The following DOCK3 variants were observed in gnomAD, a reference collection of about 807,000 sequenced individuals.
DOCK3 encodes dedicator of cytokinesis protein 3.
DOCK3 carries 60 observed loss-of-function variants against 265.6 expected under a neutral mutation model. The ratio of observed to expected loss-of-function variants is 0.23; its 90% confidence interval spans 0.18 to 0.28. The LOEUF (loss-of-function observed/expected upper bound fraction) is 0.28, where lower values mean the gene tolerates loss of function less well. Among genes scored for constraint, DOCK3 ranks in the 10% least tolerant of loss-of-function variants. DOCK3 has a pLI of 1.00. For synonymous variants in DOCK3, 881 were observed against 938.0 expected (o/e 0.94, Z 1.11); for missense variants, 1,981 against 2,594.3 (o/e 0.76, Z 5.14).
chr3:50,747,869 A>G (rs1052672348), intron 1 of DOCK3, among the ~76,000 whole-genome samples: 3 of 71,940 alleles, frequency 4.2e-5, no homozygotes, highest in African/African-American at 8.0e-5. Context: ...GTCTGAAAAA[A>G]AAAAGGGGGG....
At chr3:50,830,968 T>G (rs2107105702) in intron 2 of DOCK3, among the ~76,000 whole-genome samples, 1 of 152,110 alleles carries the variant, frequency 6.6e-6, no homozygotes, top group South Asian at 2.1e-4. Flanking sequence ...GGGTGGGCAA[T>G]TCCTGGAACT....
chr3:51,233,799 C>T (rs769734818), intron 19 of DOCK3, among the ~76,000 whole-genome samples: 15 of 152,184 alleles, frequency 9.9e-5, no homozygotes, highest in Non-Finnish European at 2.1e-4. Context: ...TCAGCTTGAA[C>T]GTTGTTGGTG....
intron 9 of DOCK3, among the ~76,000 whole-genome samples, chr3:51,131,417 G>A (rs1390928589): frequency 1.3e-5 from 2 of 152,126 alleles, no homozygotes; most frequent in African/African-American, 2.4e-5. Context: ...GGAAGGATGG[G>A]AGAAAGATTC....
Position 51,310,130 on chromosome 3 carries a change from G to C in DOCK3, c.2923-102G>C, listed in dbSNP as rs1476217159. The C allele has an allele frequency of 1.6e-5, 14 of 856,228 alleles. No homozygotes were observed. In the African/African-American group the frequency reaches 2.3e-4, roughly 14 times the overall value. 53.0% of individuals were successfully genotyped at this position (856,228 alleles called of 1,614,324 possible). A position where few individuals can be genotyped will look rare whatever the true frequency, so the allele number is the denominator to read the frequency against. ...CAGAGAGAACCAGATCTAACTCACT[G>C]GTCCCACCCATTGTCATGATCTAGT... On this transcript the variant is annotated intron_variant, in intron 27 of 52. Transcript: ENST00000266037.
At chr3:51,171,059 T>TA (rs1310239680) in intron 12 of DOCK3, among the ~76,000 whole-genome samples, 2 of 152,202 alleles carry the variant, frequency 1.3e-5, no homozygotes, top group Admixed American at 1.3e-4. Flanking sequence ...ATTTTTGCCC[T>TA]AACTTTCATT....
chr3:51,136,898 T>C (rs73833990), intron 9 of DOCK3, among the ~76,000 whole-genome samples: 3,727 of 152,258 alleles, frequency 0.024, 179 homozygotes, highest in African/African-American at 0.085. Context: ...GAAAATCTGC[T>C]TCTTAATTTT....
In DOCK3 at chr3:50,733,464, CATT is replaced by C. The variant is rs569247860; in HGVS notation, c.38-45208_38-45206del. Among the ~76,000 whole-genome samples the C allele has an allele frequency of 2.2e-3, 334 of 152,282 alleles. 3 individuals carry two copies. The highest frequency in any genetic ancestry group is 7.9e-3 in the African/African-American group (327 of 41,574). The stretch of plus-strand genomic sequence containing the variant: ...TCCCTTCATGAATTGACCCCTTAAT[CATT>C]ATATAATGCCCATATTTGTCTCTTA... On this transcript the variant is annotated intron_variant, in intron 1 of 52. Transcript: ENST00000266037.
At chr3:50,784,001 G>A (rs566558523) in intron 2 of DOCK3, among the ~76,000 whole-genome samples, 2 of 152,072 alleles carry the variant, frequency 1.3e-5, no homozygotes, top group East Asian at 3.9e-4. Flanking sequence ...CCGAGTAGCT[G>A]AGATTACAGG....
rs1435648809 is a variant in DOCK3, at chr3:51,294,623, AGCCAAGATC to A, written c.2922+14422_2922+14430del. 9.4e-5 allele frequency among the ~76,000 whole-genome samples: 14 copies of A among 149,156 alleles called. 1 individual carries two copies. The East Asian group carries it at 2.8e-3, about 30-fold the overall frequency. On this transcript the variant is annotated intron_variant, in intron 27 of 52. Transcript: ENST00000266037. Reference sequence around the variant, plus strand: ...AACCCGGGAGGCGGAGCTTGCAGTGAGCCAAGATCGCGCCACTGCACTCCAGCCTGGGCG... The same window carrying A: ...AACCCGGGAGGCGGAGCTTGCAGTGAGCGCCACTGCACTCCAGCCTGGGCG...
At chr3:50,772,718 ATAAAT>A (rs2041351007) in intron 1 of DOCK3, among the ~76,000 whole-genome samples, 1 of 152,238 alleles carries the variant, frequency 6.6e-6, no homozygotes, top group South Asian at 2.1e-4. Context: ...ATACCTAGGA[ATAAAT>A]TTAACCACAG....
At chr3:50,863,395 A>G (rs750137573) in intron 3 of DOCK3, 1 of 519,154 alleles carries the variant, frequency 1.9e-6, no homozygotes, top group South Asian at 1.4e-5. Context: ...AATAATCACC[A>G]ATAGCATAGC....
intron 27 of DOCK3, among the ~76,000 whole-genome samples, chr3:51,282,325 C>A (rs1425020191): frequency 3.8e-5 from 4 of 106,456 alleles, no homozygotes; most frequent in Non-Finnish European, 8.3e-5. Flanking sequence ...AGACTCATCA[C>A]AAATAGTGAC....
At chr3:50,720,109 A>G (rs2037379345) in intron 1 of DOCK3, among the ~76,000 whole-genome samples, 1 of 152,252 alleles carries the variant, frequency 6.6e-6, no homozygotes, top group Admixed American at 6.5e-5. Context: ...AAAGTTTAAC[A>G]TAGAAAGGTG....
At chr3:51,167,919 G>C (rs981199464) in intron 12 of DOCK3, among the ~76,000 whole-genome samples, 65 of 152,074 alleles carry the variant, frequency 4.3e-4, no homozygotes, top group African/African-American at 1.5e-3. Flanking sequence ...TTCCAGTCTG[G>C]ATGTGTCTAA....
At chr3:51,176,871 C>T (rs2086990171) in intron 12 of DOCK3, among the ~76,000 whole-genome samples, 1 of 152,178 alleles carries the variant, frequency 6.6e-6, no homozygotes, top group Admixed American at 6.5e-5. Flanking sequence ...TGCATGCCAT[C>T]TAAAATGGTT....
At chr3:51,360,325 G>C (rs928340311) in intron 46 of DOCK3, among the ~76,000 whole-genome samples, 186 bp from the exon 47 acceptor site, 1 of 152,252 alleles carries the variant, frequency 6.6e-6, no homozygotes, top group South Asian at 2.1e-4. Flanking sequence ...TTCCAGTGCA[G>C]TTAGGAGGGT....
intron 4 of DOCK3, among the ~76,000 whole-genome samples, chr3:50,907,262 A>G (rs937289862): frequency 2.0e-5 from 3 of 152,126 alleles, no homozygotes; most frequent in Non-Finnish European, 2.9e-5. Context: ...TTAGATGTCT[A>G]TTAAGTCTGC....
chr3:50,759,219 T>C, intron 1 of DOCK3, among the ~76,000 whole-genome samples: 1 of 152,226 alleles, frequency 6.6e-6, no homozygotes, highest in East Asian at 1.9e-4. Flanking sequence ...AAGTATTTAA[T>C]TTAAATTCTT....
intron 1 of DOCK3, among the ~76,000 whole-genome samples, chr3:50,757,163 C>CTT (rs34435343): frequency 0.013 from 1,071 of 81,604 alleles, 91 homozygotes; most frequent in African/African-American, 0.024. Flanking sequence ...AGATTGTCGT[C>CTT]TTTTTTTTTT....
Sources: allele counts gnomAD v4.1 joint callset (sites outside exome capture counted in the v4.1 genomes callset), GRCh38; gene constraint gnomAD v4.1.1; transcripts MANE v1.5; gene names NCBI Gene and HGNC (gene_info 2026-07-23, HGNC 2026-07-21).